The following HACE1 variants were observed in gnomAD, a reference collection of about 807,000 sequenced individuals.
HACE1 encodes the protein E3 ubiquitin-protein ligase HACE1.
HACE1 carries 73 observed loss-of-function variants against 118.4 expected under a neutral mutation model. The observed-to-expected ratio is 0.62, with a 90% CI of 0.51 to 0.75. HACE1 has a LOEUF of 0.75. HACE1 is among the 30% of genes least tolerant of loss of function. HACE1 has a pLI of 0.00. For missense variants in HACE1, 749 were observed against 1,102.2 expected, an observed-to-expected ratio of 0.68 and a Z score of 4.54; for synonymous variants, 368 against 374.8, an observed-to-expected ratio of 0.98 and a Z score of 0.21.
chr6:104,836,828 T>C (rs943984022), intron 5 of HACE1, among the ~76,000 whole-genome samples: 21 of 152,202 alleles, frequency 1.4e-4, no homozygotes, highest in Admixed American at 6.5e-4. Context: ...TTCAGCAAGA[T>C]TGCAAAACCA....
At chr6:104,758,240 T>C (rs1778934143) in intron 19 of HACE1, among the ~76,000 whole-genome samples, 1 of 151,694 alleles carries the variant, frequency 6.6e-6, no homozygotes, top group South Asian at 2.1e-4. Flanking sequence ...CCAAGACATA[T>C]AAAATGTCAG....
intron 17 of HACE1, among the ~76,000 whole-genome samples, chr6:104,773,496 G>A (rs1780858061): frequency 6.6e-6 from 1 of 152,110 alleles, no homozygotes; most frequent in Non-Finnish European, 1.5e-5. Flanking sequence ...ATAATTCACT[G>A]TCATGAAGCA....
At chr6:104,731,025 T>C (rs1562241866) in intron 22 of HACE1, 1 of 157,518 alleles carries the variant, frequency 6.3e-6, no homozygotes, top group Non-Finnish European at 1.4e-5. Flanking sequence ...TCTAACATAA[T>C]GAGGCCACAG....
In HACE1 at chr6:104,738,652, G is replaced by C. The variant is rs1247522489; in HGVS notation, c.2513+5508C>G. Among the ~76,000 whole-genome samples the C allele has an allele frequency of 2.0e-5, 3 of 149,868 alleles. No individual in the cohort carries two copies. The South Asian group carries it at 6.3e-4, about 32-fold the overall frequency. On this transcript the variant is annotated intron_variant, in intron 22 of 23. Transcript: ENST00000262903. ...AAAAAGAAATGAGCAAAGCCTCCAA[G>C]AAATATGGGACTATGTGAAAAGACC...
At chr6:104,733,133 C>G (rs997737165) in intron 22 of HACE1, among the ~76,000 whole-genome samples, 1 of 152,032 alleles carries the variant, frequency 6.6e-6, no homozygotes, top group Non-Finnish European at 1.5e-5. Context: ...CCTATGATGT[C>G]GAATTTCAAA....
intron 1 of HACE1, chr6:104,858,269 C>T (rs4245525): frequency 0.11 from 19,310 of 174,322 alleles, 1,130 homozygotes; most frequent in East Asian, 0.16. Flanking sequence ...AATTCGACTA[C>T]GAAAAATAAG....
chr6:104,853,045 T>G (rs1776396136), intron 1 of HACE1, among the ~76,000 whole-genome samples: 2 of 152,206 alleles, frequency 1.3e-5, no homozygotes, highest in African/African-American at 2.4e-5. Context: ...TGGTTGCTAT[T>G]ATGGCAGTGT....
chr6:104,811,413 T>G lies in HACE1; in HGVS notation c.535-20A>C. ...CACTGTCTGAGGGGGAAAAAATAATTAAAAGTAAAGCCAGAGGAATCAAAC... is the reference window on the plus strand; with the variant it reads ...CACTGTCTGAGGGGGAAAAAATAATGAAAAGTAAAGCCAGAGGAATCAAAC... On this transcript the variant is annotated intron_variant, in intron 6 of 23. Transcript: ENST00000262903. 1 of 1,184,538 alleles carries G rather than the reference T, an allele frequency of 8.4e-7. No homozygotes were observed. Among genetic ancestry groups the G allele is most frequent in the East Asian group, 2.4e-5 (1 of 42,492 alleles). 73.4% of individuals were successfully genotyped at this position (1,184,538 alleles called of 1,614,324 possible).
chr6:104,762,673 A>G (rs937366474), intron 19 of HACE1, among the ~76,000 whole-genome samples: 3 of 152,114 alleles, frequency 2.0e-5, no homozygotes, highest in East Asian at 1.9e-4. Context: ...CATTCTGCAC[A>G]TGTAACCCAG....
intron 1 of HACE1, among the ~76,000 whole-genome samples, chr6:104,857,275 A>G (rs73768852): frequency 0.21 from 31,859 of 150,318 alleles, 4,013 homozygotes; most frequent in African/African-American, 0.36. Context: ...AAGACTCATC[A>G]GAGCTTAGAG....
At chr6:104,833,284 G>C (rs1774189777) in intron 5 of HACE1, 111 bp from the exon 6 acceptor site, 2 of 934,854 alleles carry the variant, frequency 2.1e-6, no homozygotes, top group Non-Finnish European at 3.5e-6. Flanking sequence ...CAAATCTAAA[G>C]GTGTTTTAAG....
At chr6:104,831,593 A>G (rs1367291958) in intron 6 of HACE1, among the ~76,000 whole-genome samples, 1 of 133,504 alleles carries the variant, frequency 7.5e-6, no homozygotes, top group Non-Finnish European at 1.6e-5. Flanking sequence ...TCAAAAAAAA[A>G]AAGAAAAGAA....
intron 7 of HACE1, among the ~76,000 whole-genome samples, chr6:104,805,605 C>G (rs1300635017): frequency 6.6e-6 from 1 of 152,090 alleles, no homozygotes; most frequent in Non-Finnish European, 1.5e-5. Flanking sequence ...ATCCCAAGGA[C>G]AGAAAACTAA....
rs756300692 is a variant in HACE1 at position 104,859,549 on chromosome 6, C to T, written c.76+18G>A. The T allele has an allele frequency of 1.3e-6, 2 of 1,509,610 alleles. No individual in the cohort carries two copies. Among genetic ancestry groups the T allele is most frequent in the South Asian group, 1.2e-5 (1 of 81,216 alleles). The allele number at this position is 1,509,610 out of a possible 1,614,324, so 93.5% of individuals were successfully genotyped here. ...GCCCCCAGCCCCGCGGCCAGCCTGG[C>T]CCCGCGACCCGGCTCACCCTCGGGC... On this transcript the variant is annotated intron_variant, in intron 1 of 23. Transcript: ENST00000262903.
At chr6:104,735,199 A>C (rs956505795) in intron 22 of HACE1, among the ~76,000 whole-genome samples, 1 of 152,126 alleles carries the variant, frequency 6.6e-6, no homozygotes, top group African/African-American at 2.4e-5. Flanking sequence ...CACCAAGAAA[A>C]CTATTTGCAG....
At chr6:104,748,248 GA>G (rs34032176) in intron 20 of HACE1, among the ~76,000 whole-genome samples, 4 of 149,778 alleles carry the variant, frequency 2.7e-5, no homozygotes, top group South Asian at 2.1e-4. Flanking sequence ...TCAGTAAAAA[GA>G]AAAAAAAACA....
intron 19 of HACE1, among the ~76,000 whole-genome samples, chr6:104,768,350 T>C (rs1780228263): frequency 6.6e-6 from 1 of 151,988 alleles, no homozygotes; most frequent in Non-Finnish European, 1.5e-5. Flanking sequence ...AACAGAAAAG[T>C]TCATAACAGA....
At chr6:104,857,627 G>C (rs190415718) in intron 1 of HACE1, among the ~76,000 whole-genome samples, 23 of 150,986 alleles carry the variant, frequency 1.5e-4, no homozygotes, top group African/African-American at 5.6e-4. Context: ...ATGAAATTCT[G>C]AAGTCATTAA....
chr6:104,739,976 C>A (rs1776443950), intron 22 of HACE1, among the ~76,000 whole-genome samples: 1 of 151,320 alleles, frequency 6.6e-6, no homozygotes, highest in African/African-American at 2.4e-5. Flanking sequence ...TCTCTCAGAC[C>A]ACAGTGCAAT....
Sources: gnomAD v4.1 joint callset for allele counts (sites outside exome capture counted in the v4.1 genomes callset) on GRCh38, gnomAD v4.1.1 for gene constraint, MANE v1.5 for transcripts, NCBI Gene and HGNC (gene_info 2026-07-23, HGNC 2026-07-21) for gene names.